PTPRT: variants seen among roughly 807,000 people sequenced by gnomAD.
PTPRT encodes protein tyrosine phosphatase receptor type T.
Under a neutral mutation model 176.8 loss-of-function variants are expected in PTPRT, and 56 were observed. That is an observed-to-expected ratio of 0.32 (90% CI 0.26 to 0.40). The LOEUF is 0.40. Among genes scored for constraint, PTPRT ranks in the 10% least tolerant of loss-of-function variants. The probability of loss-of-function intolerance (pLI) is 1.00; values close to 1 mark genes in which losing one functional copy is unlikely to be tolerated. For synonymous variants in PTPRT, 783 were observed against 739.0 expected (o/e 1.06, Z -0.96); for missense variants, 1,540 against 1,908.2 (o/e 0.81, Z 3.60).
chr20:43,166,548 C>T (rs567767677), intron 1 of PTPRT, among the ~76,000 whole-genome samples: 3 of 152,288 alleles, frequency 2.0e-5, no homozygotes, highest in African/African-American at 7.2e-5. Flanking sequence ...CAAGTGAAGT[C>T]ATCTGACCAG....
chr20:42,926,994 A>G (rs1029519618), intron 1 of PTPRT, among the ~76,000 whole-genome samples: 7 of 152,156 alleles, frequency 4.6e-5, no homozygotes, highest in African/African-American at 1.7e-4. Context: ...ACACACACTC[A>G]TTCAAGATCT....
At position 43,085,301 on chromosome 20, in the gene PTPRT, CA is replaced by C. The variant is rs993842299; in HGVS notation, c.88+104344del. Among the ~76,000 whole-genome samples the C allele has an allele frequency of 3.9e-5, 6 of 152,298 alleles. No homozygotes were observed. The East Asian group carries it at 1.2e-3, about 29-fold the overall frequency. Reference sequence around the variant, plus strand: ...TCCTTTGCTCCTACACCAAACTCTACAAGGTGTATGGCATTCAAGTAGTTTT... The same window carrying C: ...TCCTTTGCTCCTACACCAAACTCTACAGGTGTATGGCATTCAAGTAGTTTT... On this transcript the variant is annotated intron_variant, in intron 1 of 30. Transcript: ENST00000373187.
intron 9 of PTPRT, among the ~76,000 whole-genome samples, chr20:42,383,543 T>C (rs2058716122): frequency 6.6e-6 from 1 of 151,568 alleles, no homozygotes; most frequent in Admixed American, 6.6e-5. Context: ...ATTCAGAGAG[T>C]AGAGAGAGAA....
intron 1 of PTPRT, among the ~76,000 whole-genome samples, chr20:42,886,171 T>A (rs941364162): frequency 1.3e-5 from 2 of 152,142 alleles, no homozygotes; most frequent in Non-Finnish European, 1.5e-5. Context: ...TAAGGCTAGT[T>A]ACATTGATTT....
At chr20:42,241,251 T>C (rs547927946) in intron 14 of PTPRT, among the ~76,000 whole-genome samples, 81 of 152,126 alleles carry the variant, frequency 5.3e-4, no homozygotes, top group Admixed American at 1.8e-3. Flanking sequence ...GCAGGCAAGA[T>C]GGCCCAAAAT....
At chr20:42,529,379 GT>G (rs1214288191) in intron 7 of PTPRT, among the ~76,000 whole-genome samples, 1 of 152,230 alleles carries the variant, frequency 6.6e-6, no homozygotes, top group Non-Finnish European at 1.5e-5. Flanking sequence ...GGATGACCTT[GT>G]TGGATCATCA....
rs148728751 is a variant in PTPRT, at chr20:42,792,558, CT to C, written c.215-1093del. Among the ~76,000 whole-genome samples the C allele has an allele frequency of 7.9e-3, 1,198 of 152,308 alleles. 16 individuals carry two copies. Among genetic ancestry groups the C allele is most frequent in the African/African-American group, 0.028 (1,150 of 41,562 alleles). On this transcript the variant is annotated intron_variant, in intron 2 of 30. Transcript: ENST00000373187. ...GAAATTTCACAAGCAACTGGGAGGG[CT>C]GAACTTAGAGTCTTATGATTCTATG... is the stretch of plus-strand genomic sequence containing the variant.
At chr20:42,708,429 T>C (rs1414070349) in intron 6 of PTPRT, among the ~76,000 whole-genome samples, 3 of 152,120 alleles carry the variant, frequency 2.0e-5, no homozygotes, top group Admixed American at 2.0e-4. Flanking sequence ...AGAGAGAGAT[T>C]TCTCAGTTAG....
chr20:42,404,971 ATTAT>A, intron 9 of PTPRT, among the ~76,000 whole-genome samples: 1 of 19,676 alleles, frequency 5.1e-5, no homozygotes, highest in Non-Finnish European at 1.3e-4. Flanking sequence ...GGGCCAATTA[ATTAT>A]ATATATATAT....
At chr20:43,036,375 A>G (rs888341048) in intron 1 of PTPRT, among the ~76,000 whole-genome samples, 2 of 152,090 alleles carry the variant, frequency 1.3e-5, no homozygotes, top group Admixed American at 6.5e-5. Flanking sequence ...GGGACTGCAG[A>G]TATGCACCAC....
chr20:42,127,326 A>G (rs1220529052), intron 19 of PTPRT, among the ~76,000 whole-genome samples: 1 of 152,130 alleles, frequency 6.6e-6, no homozygotes, highest in Non-Finnish European at 1.5e-5. Flanking sequence ...CTGCCCAAGG[A>G]AGGGAGTGAG....
intron 13 of PTPRT, among the ~76,000 whole-genome samples, chr20:42,273,934 T>C (rs2056982590): frequency 6.6e-6 from 1 of 152,226 alleles, no homozygotes. Context: ...TGCTTAGCAG[T>C]AATGCTCAGC....
intron 1 of PTPRT, among the ~76,000 whole-genome samples, chr20:42,907,458 C>T (rs2079492708): frequency 6.7e-6 from 1 of 149,058 alleles, no homozygotes; most frequent in African/African-American, 2.6e-5. Flanking sequence ...AAACCACAAA[C>T]ATTGAAGTTT....
intron 7 of PTPRT, among the ~76,000 whole-genome samples, chr20:42,663,633 A>G (rs2075264487): frequency 6.6e-6 from 1 of 152,166 alleles, no homozygotes; most frequent in African/African-American, 2.4e-5. Flanking sequence ...TCAATACTTC[A>G]TAGATTTCAC....
At chr20:42,146,341 G>T (rs1988865110) in intron 17 of PTPRT, among the ~76,000 whole-genome samples, 1 of 152,142 alleles carries the variant, frequency 6.6e-6, no homozygotes, top group Non-Finnish European at 1.5e-5. Flanking sequence ...CCCTGAAAGT[G>T]GGGTGAAGCC....
At chr20:42,619,102 C>T (rs776871120) in intron 7 of PTPRT, among the ~76,000 whole-genome samples, 29,043 of 147,406 alleles carry the variant, frequency 0.2, 3,943 homozygotes, top group African/African-American at 0.39. Flanking sequence ...CCATGTTTAG[C>T]GCTTCCTTCA....
chr20:42,105,691 G>A (rs1363388389), intron 24 of PTPRT, among the ~76,000 whole-genome samples: 3 of 152,210 alleles, frequency 2.0e-5, no homozygotes, highest in Non-Finnish European at 4.4e-5. Flanking sequence ...ATGGACCTAG[G>A]AATAGATAAA....
At chr20:42,760,574 G>A (rs2076901440) in intron 5 of PTPRT, among the ~76,000 whole-genome samples, 1 of 152,036 alleles carries the variant, frequency 6.6e-6, no homozygotes, top group South Asian at 2.1e-4. Flanking sequence ...AGATTTATCT[G>A]AGCGTTTATC....
intron 1 of PTPRT, among the ~76,000 whole-genome samples, chr20:43,069,537 C>T (rs967515850): frequency 1.3e-5 from 2 of 152,104 alleles, no homozygotes; most frequent in African/African-American, 4.8e-5. Flanking sequence ...TTTATTCATC[C>T]CTGATCTATC....
Sources: gnomAD v4.1 joint callset for allele counts (sites outside exome capture counted in the v4.1 genomes callset) on GRCh38, gnomAD v4.1.1 for gene constraint, MANE v1.5 for transcripts, NCBI Gene and HGNC (gene_info 2026-07-23, HGNC 2026-07-21) for gene names.